Variants in MID2 observed in about 807,000 individuals in gnomAD.
MID2 encodes the protein midline 2.
A neutral mutation model predicts 46.1 loss-of-function variants in MID2; 13 were observed. The observed-to-expected ratio is 0.28, with a 90% CI of 0.18 to 0.45. MID2 has a LOEUF of 0.45. Ranked by LOEUF, MID2 falls within the 20% of genes least tolerant of loss-of-function variation. MID2 has a pLI of 1.00. For missense variants in MID2, 431 were observed against 575.4 expected, an observed-to-expected ratio of 0.75 and a Z score of 2.57; for synonymous variants, 199 against 212.3, an observed-to-expected ratio of 0.94 and a Z score of 0.55.
intron 3 of MID2, among the ~76,000 whole-genome samples, chrX:107,862,867 C>T (rs907812137): frequency 8.9e-6 from 1 of 111,988 alleles, no homozygotes; most frequent in Non-Finnish European, 1.9e-5. Flanking sequence ...AAGATTTGAA[C>T]TGCTAGTGTC....
intron 5 of MID2, among the ~76,000 whole-genome samples, chrX:107,908,064 G>A (rs1430134322): frequency 3.6e-5 from 4 of 112,181 alleles, no homozygotes; most frequent in Non-Finnish European, 7.5e-5. Flanking sequence ...AGGGGCACAG[G>A]CAAGATTCAA....
chrX:107,865,280 A>G (rs1167959193), intron 3 of MID2, among the ~76,000 whole-genome samples: 3 of 112,096 alleles, frequency 2.7e-5, no homozygotes, highest in Non-Finnish European at 5.6e-5. Context: ...GCGTGTGCCC[A>G]TGTGGGAATG....
At chrX:107,888,113 T>A (rs1932506593) in intron 3 of MID2, among the ~76,000 whole-genome samples, 1 of 112,090 alleles carries the variant, frequency 8.9e-6, no homozygotes, top group South Asian at 3.7e-4. Flanking sequence ...GTTTTTTGTG[T>A]CTCTATTTCC....
At chrX:107,845,519 A>ACTCTCTCTCT (rs1462079221) in intron 2 of MID2, among the ~76,000 whole-genome samples, 45 of 82,097 alleles carry the variant, frequency 5.5e-4, no homozygotes, top group African/African-American at 2.9e-3. Context: ...ACACACACAC[A>ACTCTCTCTCT]CACACACTCT....
chrX:107,860,338 G>C (rs747896738), intron 3 of MID2, among the ~76,000 whole-genome samples: 3 of 112,117 alleles, frequency 2.7e-5, no homozygotes, highest in African/African-American at 9.7e-5. Flanking sequence ...AAATATAAAA[G>C]GAGTTCTTTT....
chrX:107,923,071 C>T (rs752743745), intron 7 of MID2, among the ~76,000 whole-genome samples: 7 of 112,052 alleles, frequency 6.2e-5, no homozygotes, highest in East Asian at 5.6e-4. Flanking sequence ...TGCCCTCCAT[C>T]GTTTCTTTTA....
chrX:107,858,711 A>G (rs1356297305), intron 3 of MID2, among the ~76,000 whole-genome samples: 1 of 112,584 alleles, frequency 8.9e-6, no homozygotes, highest in African/African-American at 3.2e-5. Context: ...TGAATGTAGT[A>G]TAGCCCTTTC....
intron 3 of MID2, among the ~76,000 whole-genome samples, chrX:107,858,843 A>G (rs1190818909): frequency 8.9e-6 from 1 of 112,085 alleles, no homozygotes; most frequent in Non-Finnish European, 1.9e-5. Flanking sequence ...CAATGGCTTA[A>G]TCCATCCCAG....
chrX:107,826,354 A>G lies in MID2; in HGVS notation c.-73A>G. On this transcript the variant is annotated 5_prime_UTR_variant, in exon 1 of 10. Transcript: ENST00000262843. ...GGAGCTCGCGCCGGAGCCCGAGCCA[A>G]CCCGCTGCGGAGGCAGACGAGAGCC... is the stretch of plus-strand genomic sequence containing the variant. The G allele has an allele frequency of 9.1e-7, 1 of 1,104,021 alleles. No individual in the cohort carries two copies. Among genetic ancestry groups the G allele is most frequent in the Non-Finnish European group, 1.2e-6 (1 of 839,906 alleles). 91.0% of individuals were successfully genotyped at this position (1,104,021 alleles called of 1,213,427 possible).
At chrX:107,902,995 C>T (rs748801412) in intron 3 of MID2, among the ~76,000 whole-genome samples, 1 of 111,683 alleles carries the variant, frequency 9.0e-6, no homozygotes, top group Admixed American at 9.5e-5. Flanking sequence ...TCTGGTTTTA[C>T]CACTTACTAG....
intron 6 of MID2, 24 bp downstream of exon 6, chrX:107,916,153 T>G (rs1475837128): frequency 9.2e-7 from 1 of 1,084,267 alleles, no homozygotes; most frequent in Non-Finnish European, 1.2e-6. Context: ...GTGCTTTCCT[T>G]TCCATTTAAT....
intron 3 of MID2, among the ~76,000 whole-genome samples, chrX:107,867,962 G>T (rs1429738362): frequency 1.8e-5 from 2 of 111,582 alleles, no homozygotes; most frequent in Non-Finnish European, 3.8e-5. Flanking sequence ...AATTTCAGGA[G>T]AGAGACTTAG....
chrX:107,841,216 C>G lies in MID2; in HGVS notation c.551C>G (p.Pro184Arg). 1 of 1,211,747 alleles carries G rather than the reference C, an allele frequency of 8.3e-7. No individual in the cohort carries two copies. The highest frequency in any genetic ancestry group is 1.1e-6 in the Non-Finnish European group (1 of 895,467). The change falls in exon 2 of 10, where the codon CCA (proline) becomes CGA (arginine). Residue 184 changes from proline (P) to arginine (R), a missense_variant. By Grantham distance (103) the Pro-to-Arg change is moderately radical. Transcript: ENST00000262843. ...KPFTSHRLVEPVPDTHLRGIT... is the reference protein window; with the variant it reads ...KPFTSHRLVERVPDTHLRGIT... ...TTCACCAGCCACCGCCTGGTGGAAC[C>G]AGTGCCAGACACACATCTTCGAGGG... is the stretch of plus-strand genomic sequence containing the variant.
chrX:107,845,525 A>ACACACACACACTCTCTCTCT (rs1276957001), intron 2 of MID2, among the ~76,000 whole-genome samples: 6 of 72,946 alleles, frequency 8.2e-5, no homozygotes, highest in African/African-American at 4.5e-4. Context: ...ACACACACAC[A>ACACACACACACTCTCTCTCT]CTCTCTCTCT....
At chrX:107,857,286 T>C (rs1931757942) in intron 3 of MID2, among the ~76,000 whole-genome samples, 1 of 107,643 alleles carries the variant, frequency 9.3e-6, no homozygotes. Context: ...TTCCTCTTTT[T>C]TTTTTTTTTT....
intron 3 of MID2, among the ~76,000 whole-genome samples, chrX:107,854,915 G>A (rs1931708780): frequency 1.8e-5 from 2 of 111,463 alleles, no homozygotes; most frequent in South Asian, 3.8e-4. Context: ...ATGGACAGTG[G>A]GGGGATAATA....
chrX:107,839,306 G>A (rs1336067201), intron 1 of MID2, among the ~76,000 whole-genome samples: 1 of 110,739 alleles, frequency 9.0e-6, no homozygotes, highest in East Asian at 2.8e-4. Flanking sequence ...AGAAATGCCT[G>A]TGGAAAAATA....
intron 1 of MID2, among the ~76,000 whole-genome samples, chrX:107,826,851 G>T (rs1388489046): frequency 8.8e-6 from 1 of 113,594 alleles, no homozygotes; most frequent in Admixed American, 9.2e-5. Context: ...GTCGCCCCTT[G>T]GCCGGCCGTC....
chrX:107,914,373 C>G lies in MID2; in HGVS notation c.1074-1629C>G, dbSNP rs189194180. On this transcript the variant is annotated intron_variant, in intron 5 of 9. Coordinates refer to ENST00000262843, the MANE Select transcript of MID2 (RefSeq NM_012216.4). ...GTTGTTGTCTCCTTACTCACCAAAT[C>G]CTGGCTATTCATGTGAGACCTTATG... Among the ~76,000 whole-genome samples, 3 of 112,486 alleles carry G rather than the reference C, an allele frequency of 2.7e-5. No homozygotes were observed. The East Asian group carries it at 8.4e-4, about 31-fold the overall frequency.
Sources: gnomAD v4.1 joint callset for allele counts (sites outside exome capture counted in the v4.1 genomes callset) on GRCh38, gnomAD v4.1.1 for gene constraint, MANE v1.5 for transcripts, NCBI Gene and HGNC (gene_info 2026-07-23, HGNC 2026-07-21) for gene names.